The following DCC variants were observed in gnomAD, a reference collection of about 807,000 sequenced individuals.
The protein encoded by DCC is DCC netrin 1 receptor.
Under a neutral mutation model 172.5 loss-of-function variants are expected in DCC, and 58 were observed. The ratio of observed to expected loss-of-function variants is 0.34; its 90% CI spans 0.27 to 0.42. The LOEUF (loss-of-function observed/expected upper bound fraction) is 0.42. Among genes scored for constraint, DCC ranks in the 10% least tolerant of loss-of-function variants. DCC has a pLI of 1.00. For missense variants in DCC, 1,740 were observed against 1,791.0 expected, an observed-to-expected ratio of 0.97 and a Z score of 0.51; for synonymous variants, 709 against 644.5, an observed-to-expected ratio of 1.10 and a Z score of -1.52.
intron 12 of DCC, among the ~76,000 whole-genome samples, chr18:53,245,200 A>T (rs1047189253): frequency 6.6e-5 from 10 of 152,142 alleles, no homozygotes; most frequent in African/African-American, 2.4e-4. Context: ...TGATTTGTTC[A>T]AATCTTCCTT....
intron 1 of DCC, among the ~76,000 whole-genome samples, chr18:52,732,730 A>G (rs2036663635): frequency 6.6e-6 from 1 of 152,192 alleles, no homozygotes; most frequent in Non-Finnish European, 1.5e-5. Context: ...GGCAAATTAT[A>G]ATTTGTCACA....
At chr18:53,435,812 C>T (rs1042248163) in intron 22 of DCC, among the ~76,000 whole-genome samples, 1 of 152,118 alleles carries the variant, frequency 6.6e-6, no homozygotes, top group Non-Finnish European at 1.5e-5. Context: ...CATAGAAGGA[C>T]AAGGTTGGTG....
At chr18:52,738,079 T>A (rs2036756152) in intron 1 of DCC, among the ~76,000 whole-genome samples, 1 of 152,156 alleles carries the variant, frequency 6.6e-6, no homozygotes, top group Non-Finnish European at 1.5e-5. Context: ...TCCTCGGTTT[T>A]GCCTCTTGGT....
chr18:53,135,098 G>A (rs992953419), intron 7 of DCC, among the ~76,000 whole-genome samples: 1 of 152,054 alleles, frequency 6.6e-6, no homozygotes, highest in Non-Finnish European at 1.5e-5. Context: ...TATTTGTAAT[G>A]GATTTTCCAA....
At chr18:52,745,563 T>C (rs2036894631) in intron 1 of DCC, among the ~76,000 whole-genome samples, 1 of 152,260 alleles carries the variant, frequency 6.6e-6, no homozygotes, top group African/African-American at 2.4e-5. Context: ...TTTTGTTACA[T>C]GTATACAATG....
At chr18:52,987,127 G>A (rs146505581) in intron 5 of DCC, among the ~76,000 whole-genome samples, 1 of 152,144 alleles carries the variant, frequency 6.6e-6, no homozygotes, top group East Asian at 1.9e-4. Context: ...TGGCCCAGAA[G>A]CAATAATTTT....
chr18:53,392,737 G>A (rs1908639633), intron 17 of DCC, among the ~76,000 whole-genome samples: 1 of 152,146 alleles, frequency 6.6e-6, no homozygotes. Context: ...CATAGAGATG[G>A]TTTATTTTGA....
intron 7 of DCC, among the ~76,000 whole-genome samples, chr18:53,078,334 T>G (rs1324632262): frequency 1.3e-5 from 2 of 152,158 alleles, no homozygotes; most frequent in Admixed American, 6.6e-5. Flanking sequence ...ACCTAGATAT[T>G]GATTTTTTAA....
intron 1 of DCC, among the ~76,000 whole-genome samples, chr18:52,563,553 G>A (rs1268457564): frequency 6.6e-6 from 1 of 152,060 alleles, no homozygotes; most frequent in African/African-American, 2.4e-5. Context: ...ATAAAGTTTT[G>A]GAATCTTTCA....
chr18:52,521,171 A>G (rs980644272), intron 1 of DCC, among the ~76,000 whole-genome samples: 2 of 137,928 alleles, frequency 1.5e-5, no homozygotes, highest in Non-Finnish European at 3.4e-5. Flanking sequence ...GCATACTTGA[A>G]TTGTGAATTT....
At chr18:52,869,596 C>T (rs1233177064) in intron 2 of DCC, among the ~76,000 whole-genome samples, 1 of 152,208 alleles carries the variant, frequency 6.6e-6, no homozygotes, top group Admixed American at 6.5e-5. Context: ...TGTCTGCCTC[C>T]TGCCACTGTC....
intron 5 of DCC, among the ~76,000 whole-genome samples, chr18:53,041,607 T>G (rs1182577575): frequency 6.6e-6 from 1 of 152,116 alleles, no homozygotes; most frequent in Admixed American, 6.6e-5. Flanking sequence ...CTTTGGGCAG[T>G]ATGGCCATTT....
At chr18:53,502,786 A>C (rs1486363442) in intron 27 of DCC, among the ~76,000 whole-genome samples, 1 of 152,092 alleles carries the variant, frequency 6.6e-6, no homozygotes, top group Non-Finnish European at 1.5e-5. Context: ...AAGCTTTGAG[A>C]TTAGGATCAA....
chr18:53,248,734 C>T (rs1164382470), intron 12 of DCC, among the ~76,000 whole-genome samples: 1 of 151,998 alleles, frequency 6.6e-6, no homozygotes, highest in African/African-American at 2.4e-5. Flanking sequence ...CATCCTGATA[C>T]AAAATCTCTA....
intron 12 of DCC, among the ~76,000 whole-genome samples, chr18:53,225,247 T>C (rs1191372599): frequency 3.9e-5 from 6 of 152,148 alleles, no homozygotes; most frequent in Admixed American, 2.0e-4. Context: ...GTGAGGAGTT[T>C]TGCTCTGAAG....
At chr18:53,506,186 T>G (rs1422812422) in intron 27 of DCC, among the ~76,000 whole-genome samples, 1 of 152,150 alleles carries the variant, frequency 6.6e-6, no homozygotes, top group African/African-American at 2.4e-5. Flanking sequence ...TGGTGGACAC[T>G]CGAATGTTGG....
chr18:53,022,000 G>C (rs957249945), intron 5 of DCC, among the ~76,000 whole-genome samples: 1 of 151,984 alleles, frequency 6.6e-6, no homozygotes, highest in African/African-American at 2.4e-5. Context: ...TTAAAATGTT[G>C]GGAAAGCTAT....
chr18:52,493,593 T>G (rs1038359959), intron 1 of DCC, among the ~76,000 whole-genome samples: 2 of 135,188 alleles, frequency 1.5e-5, no homozygotes, highest in Non-Finnish European at 3.2e-5. Flanking sequence ...TATATATTAT[T>G]TTATTTGTTT....
intron 1 of DCC, among the ~76,000 whole-genome samples, chr18:52,739,505 G>A (rs2036782341): frequency 6.6e-6 from 1 of 152,134 alleles, no homozygotes; most frequent in African/African-American, 2.4e-5. Context: ...ATCTGCAACA[G>A]GAAGATCAGA....
Sources: gnomAD v4.1 joint callset for allele counts (sites outside exome capture counted in the v4.1 genomes callset) on GRCh38, gnomAD v4.1.1 for gene constraint, MANE v1.5 for transcripts, NCBI Gene and HGNC (gene_info 2026-07-23, HGNC 2026-07-21) for gene names.